Variants in PHRF1 observed in about 807,000 individuals in gnomAD.
PHRF1 encodes the protein PHD and RING finger domain-containing protein 1.
In PHRF1, 53 loss-of-function variants were observed where a neutral mutation model predicts 128.9. The observed-to-expected ratio is 0.41, with a 90% CI of 0.33 to 0.52. PHRF1 has a LOEUF of 0.52. PHRF1 is among the 20% of genes least tolerant of loss of function. PHRF1 has a pLI of 0.21. For missense variants in PHRF1, 2,503 were observed against 2,284.5 expected (o/e 1.10, Z -1.95); for synonymous variants, 1,178 against 980.6 (o/e 1.20, Z -3.76).
Position 605,600 on chromosome 11 carries a change from T to A in PHRF1, c.1335-5T>A. 1 of 1,613,444 alleles carries A rather than the reference T, an allele frequency of 6.2e-7. No individual in the cohort carries two copies. The highest frequency in any genetic ancestry group is 8.5e-7 in the Non-Finnish European group (1 of 1,179,612). ...GTTCCCTTTGGCCTGTGTCCTCCCC[T>A]CTAGCAGTGAAGAGCTTTCTGCAAA... On this transcript the variant is annotated splice_polypyrimidine_tract_variant and splice_region_variant and intron_variant, in intron 11 of 17. Transcript: ENST00000264555.
At position 608,620 on chromosome 11, in the gene PHRF1, C is replaced by T. The variant is rs753990308; in HGVS notation, c.3164C>T (p.Ser1055Phe). Residue 1055 changes from serine to phenylalanine, a missense_variant, in exon 14 of 18, where the codon TCC (serine) becomes TTC (phenylalanine). Ser to Phe is a radical substitution (Grantham distance 155). Transcript: ENST00000264555. The part of the protein sequence containing the change: ...QRSKAKSRRS[S>F]SDRSSSRERA... ...TCCAAGGCCAAGAGCCGGCGGTCCT[C>T]CAGTGACCGCTCCAGCAGCCGAGAG... The T allele has an allele frequency of 2.5e-6, 4 of 1,612,192 alleles. No individual in the cohort carries two copies. The highest frequency in any genetic ancestry group is 2.5e-6 in the Non-Finnish European group (3 of 1,179,786).
intron 6 of PHRF1, among the ~76,000 whole-genome samples, chr11:595,931 CG>C (rs943713306): frequency 3.3e-5 from 5 of 152,216 alleles, no homozygotes; most frequent in African/African-American, 1.2e-4. Context: ...GTCGTGTGCC[CG>C]GGGCAGTCGG....
At chr11:600,497 T>TAAATAA (rs1564855705) in intron 9 of PHRF1, among the ~76,000 whole-genome samples, 1 of 127,364 alleles carries the variant, frequency 7.9e-6, no homozygotes, top group African/African-American at 3.7e-5. Context: ...TCCAAAAATA[T>TAAATAA]ATATATATAT....
At chr11:609,853 C>T in intron 14 of PHRF1, 133 bp downstream of exon 14, 1 of 630,220 alleles carries the variant, frequency 1.6e-6, no homozygotes, top group Non-Finnish European at 2.6e-6. Flanking sequence ...GAGTAGGGCC[C>T]TGGCCTCCGC....
rs371780907 is a variant in PHRF1, at chr11:608,597, C to G, written c.3141C>G (p.Ser1047=). The G allele has an allele frequency of 6.2e-7, 1 of 1,612,140 alleles. No individual in the cohort carries two copies. Among genetic ancestry groups the G allele is most frequent in the Non-Finnish European group, 8.5e-7 (1 of 1,179,778 alleles). Residue 1047 remains serine (S), a synonymous_variant, in exon 14 of 18, where the codon TCC becomes TCG. Coordinates refer to ENST00000264555, the MANE Select transcript of PHRF1 (RefSeq NM_001286581.2). ...AGGAGCGCCCCAGGAGGCAGCGGTC[C>G]AAGGCCAAGAGCCGGCGGTCCTCCA... The part of the protein sequence containing the change: ...VGEERPRRQR[S]KAKSRRSSSD...
chr11:583,938 A>G (rs1430797589), intron 3 of PHRF1, among the ~76,000 whole-genome samples: 15 of 151,880 alleles, frequency 9.9e-5, no homozygotes, highest in Non-Finnish European at 2.9e-5. Flanking sequence ...TTCTGACATC[A>G]CCCTTGGGCT....
At position 611,667 on chromosome 11, in the gene PHRF1, G is replaced by A. The variant is rs200817338; in HGVS notation, c.4840G>A (p.Val1614Met). Residue 1614 changes from valine to methionine, a missense_variant, in exon 18 of 18, where the codon GTG becomes ATG. Transcript: ENST00000264555. The stretch of plus-strand genomic sequence containing the variant: ...CAGCAAGAGTGGAGAGATCAACCCC[G>A]TGAAGGTGGCCAACCTGGTGAAGGC... ...CHSKSGEINP[V>M]KVANLVKAYV... 1.1e-5 allele frequency: 17 copies of A among 1,613,182 alleles called. No homozygotes were observed. The highest frequency in any genetic ancestry group is 1.6e-4 in the Middle Eastern group (1 of 6,062).
chr11:609,107 C>T lies in PHRF1; in HGVS notation c.3651C>T (p.Pro1217=). 1 of 1,605,504 alleles carries T rather than the reference C, an allele frequency of 6.2e-7. No homozygotes were observed. Among genetic ancestry groups the T allele is most frequent in the Non-Finnish European group, 8.5e-7 (1 of 1,177,294 alleles). The part of the protein sequence containing the change: ...AQGEPGREDL[P]TRLPALGEAH... ...GGGAGCCAGGGCGGGAAGACCTCCC[C>T]ACCAGGTTGCCAGCCTTGGGGGAAG... The change falls in exon 14 of 18, where the codon CCC becomes CCT. Residue 1217 remains proline, a synonymous_variant. Coordinates refer to ENST00000264555, the MANE Select transcript of PHRF1 (RefSeq NM_001286581.2).
At chr11:603,482 C>T (rs1395711992) in intron 10 of PHRF1, among the ~76,000 whole-genome samples, 1 of 152,066 alleles carries the variant, frequency 6.6e-6, no homozygotes, top group Non-Finnish European at 1.5e-5. Context: ...ACCACAGGCT[C>T]ACGCCACCTC....
intron 6 of PHRF1, among the ~76,000 whole-genome samples, chr11:593,427 T>C (rs1855098687): frequency 1.3e-5 from 2 of 152,234 alleles, no homozygotes; most frequent in Admixed American, 1.3e-4. Flanking sequence ...GGCCTTGACG[T>C]GCCGCGGCTG....
chr11:590,335 G>A (rs187341009), intron 4 of PHRF1, among the ~76,000 whole-genome samples: 22 of 152,312 alleles, frequency 1.4e-4, no homozygotes, highest in African/African-American at 5.1e-4. Context: ...TGTTCACCAC[G>A]GGGGAATGGA....
chr11:600,904 T>G (rs1350535639), intron 9 of PHRF1, among the ~76,000 whole-genome samples: 1 of 151,800 alleles, frequency 6.6e-6, no homozygotes, highest in Non-Finnish European at 1.5e-5. Flanking sequence ...AGGCAGAGAT[T>G]GCAGTGAGCT....
At chr11:593,323 T>C (rs1304861970) in intron 6 of PHRF1, among the ~76,000 whole-genome samples, 1 of 152,254 alleles carries the variant, frequency 6.6e-6, no homozygotes, top group Non-Finnish European at 1.5e-5. Context: ...TTTCCCTTGT[T>C]GAAAGAACCA....
intron 17 of PHRF1, 125 bp downstream of exon 17, chr11:611,207 G>T (rs1856373118): frequency 6.2e-6 from 9 of 1,458,676 alleles, no homozygotes; most frequent in Non-Finnish European, 8.3e-6. Context: ...CAGGTTAGGG[G>T]TCAGGGGGCT....
rs775492689 is a variant in PHRF1, at chr11:611,803, G to T, written c.*26G>T. ...GGCCAGGCAATCACGGGCTATGCCCGGGGAGCTGTCGGGAGTGGCGGGAAT... is the reference window on the plus strand; with the variant it reads ...GGCCAGGCAATCACGGGCTATGCCCTGGGAGCTGTCGGGAGTGGCGGGAAT... On this transcript the variant is annotated 3_prime_UTR_variant, in exon 18 of 18. Coordinates refer to ENST00000264555, the MANE Select transcript of PHRF1 (RefSeq NM_001286581.2). 1.3e-6 allele frequency: 2 copies of T among 1,576,192 alleles called. No homozygotes were observed. The highest frequency in any genetic ancestry group is 2.3e-5 in the South Asian group (2 of 87,650).
At position 610,645 on chromosome 11, in the gene PHRF1, G is replaced by T. The variant is rs1160216433; in HGVS notation, c.4561G>T (p.Val1521Leu). Residue 1521 changes from valine (V) to leucine (L), a missense_variant, in exon 16 of 18, where the codon GTG becomes TTG. Val to Leu is a conservative substitution (Grantham distance 32). Coordinates refer to ENST00000264555, the MANE Select transcript of PHRF1 (RefSeq NM_001286581.2). The stretch of plus-strand genomic sequence containing the variant: ...TGGGGCAGCACAGACCCTGGCCCCA[G>T]TGCCCGCTGCCCTGACCCCAGCCTC... ...GCGAAQTLAP[V>L]PAALTPASEP... The T allele has an allele frequency of 6.2e-7, 1 of 1,604,726 alleles. No homozygotes were observed. The highest frequency in any genetic ancestry group is 8.5e-7 in the Non-Finnish European group (1 of 1,179,824).
intron 3 of PHRF1, among the ~76,000 whole-genome samples, chr11:583,396 A>G (rs991136839): frequency 6.6e-6 from 1 of 151,584 alleles, no homozygotes; most frequent in Non-Finnish European, 1.5e-5. Context: ...GCGTGCCTGT[A>G]ATCCCCACTA....
rs1038256152 is a variant in PHRF1 at position 610,605 on chromosome 11, G to C, written c.4521G>C (p.Leu1507=). The change falls in exon 16 of 18, where the codon CTG becomes CTC. Residue 1507 remains leucine, a synonymous_variant. Coordinates refer to ENST00000264555, the MANE Select transcript of PHRF1 (RefSeq NM_001286581.2). ...TCCAGTTCATCCTTCAGGGGAGCCT[G>C]CCGCTAGTGGGCTGTGGGGCAGCAC... ...PTVQFILQGS[L]PLVGCGAAQT... is the part of the protein sequence containing the mutation. 1.9e-6 allele frequency: 3 copies of C among 1,606,178 alleles called. No individual in the cohort carries two copies. Among genetic ancestry groups the C allele is most frequent in the Non-Finnish European group, 2.5e-6 (3 of 1,179,794 alleles).
intron 3 of PHRF1, 25 bp downstream of exon 3, chr11:582,106 G>C (rs748960022): frequency 6.4e-7 from 1 of 1,565,718 alleles, no homozygotes; most frequent in Non-Finnish European, 8.7e-7. Context: ...GTTCACGCCG[G>C]CTCCTGTGTT....
Sources: allele counts gnomAD v4.1 joint callset (sites outside exome capture counted in the v4.1 genomes callset), GRCh38; gene constraint gnomAD v4.1.1; transcripts MANE v1.5; gene names NCBI Gene and HGNC (gene_info 2026-07-23, HGNC 2026-07-21).